Variants in KAT6B observed in about 807,000 individuals in gnomAD.
The protein encoded by KAT6B is histone acetyltransferase KAT6B.
In KAT6B, 10 loss-of-function variants were observed where a neutral mutation model predicts 187.5. The ratio of observed to expected loss-of-function variants is 0.05; its 90% CI spans 0.03 to 0.09. The LOEUF is 0.09. Ranked by LOEUF, KAT6B falls within the 10% of genes least tolerant of loss-of-function variation. KAT6B has a pLI of 1.00. For missense variants in KAT6B, 1,952 were observed against 2,558.9 expected, an observed-to-expected ratio of 0.76 and a Z score of 5.12; for synonymous variants, 861 against 926.8, an observed-to-expected ratio of 0.93 and a Z score of 1.29.
At chr10:74,878,778 C>G (rs1844625175) in intron 3 of KAT6B, among the ~76,000 whole-genome samples, 1 of 152,058 alleles carries the variant, frequency 6.6e-6, no homozygotes, top group Admixed American at 6.6e-5. Flanking sequence ...AGGTATGAAC[C>G]AGGGTGCATG....
At chr10:74,940,921 T>C (rs1849626730) in intron 3 of KAT6B, among the ~76,000 whole-genome samples, 1 of 152,218 alleles carries the variant, frequency 6.6e-6, no homozygotes, top group Non-Finnish European at 1.5e-5. Context: ...AGAGCTGTGA[T>C]TCCAAAGTTG....
At chr10:74,979,837 C>A (rs1287963506) in intron 10 of KAT6B, among the ~76,000 whole-genome samples, 1 of 151,956 alleles carries the variant, frequency 6.6e-6, no homozygotes, top group African/African-American at 2.4e-5. Context: ...AGACCCTTCC[C>A]CAAATTTTTA....
chr10:74,917,573 A>G (rs566966332), intron 3 of KAT6B, among the ~76,000 whole-genome samples: 8 of 152,354 alleles, frequency 5.3e-5, no homozygotes, highest in African/African-American at 1.7e-4. Flanking sequence ...AGATAAATGA[A>G]TGGATGAGAC....
At chr10:74,976,647 C>A in intron 8 of KAT6B, 1 of 414,094 alleles carries the variant, frequency 2.4e-6, no homozygotes, top group Non-Finnish European at 4.5e-6. Flanking sequence ...CACTGCCATG[C>A]TTCTGCCATG....
intron 3 of KAT6B, among the ~76,000 whole-genome samples, chr10:74,870,290 C>T (rs1268824680): frequency 6.6e-6 from 1 of 152,062 alleles, no homozygotes; most frequent in Non-Finnish European, 1.5e-5. Flanking sequence ...AAGACTCTGT[C>T]TCAAAAGACA....
chr10:74,837,087 G>A (rs1038185878), intron 1 of KAT6B, among the ~76,000 whole-genome samples: 1 of 152,062 alleles, frequency 6.6e-6, no homozygotes, highest in African/African-American at 2.4e-5. Flanking sequence ...AGGAGGCCTC[G>A]CATAATACTT....
chr10:74,842,258 C>G (rs1242541790), intron 2 of KAT6B, among the ~76,000 whole-genome samples: 1 of 152,004 alleles, frequency 6.6e-6, no homozygotes, highest in Non-Finnish European at 1.5e-5. Flanking sequence ...TAGACTTATT[C>G]TTTGATGTGT....
chr10:74,943,657 G>T (rs1461890853), intron 3 of KAT6B, among the ~76,000 whole-genome samples: 1 of 151,996 alleles, frequency 6.6e-6, no homozygotes, highest in East Asian at 1.9e-4. Context: ...ACTAAAAATG[G>T]TGTATAGACA....
chr10:74,985,001 GA>G, intron 11 of KAT6B, 78 bp from the exon 12 acceptor site: 2 of 1,277,284 alleles, frequency 1.6e-6, no homozygotes, highest in Non-Finnish European at 2.3e-6. Flanking sequence ...TGTACTTTCT[GA>G]AATACCATAT....
intron 10 of KAT6B, 83 bp downstream of exon 10, chr10:74,979,422 A>G: frequency 1.0e-6 from 1 of 993,942 alleles, no homozygotes; most frequent in South Asian, 1.3e-5. Flanking sequence ...AGCAGGAATT[A>G]GGGATGATTT....
At chr10:74,863,223 C>T (rs1396671928) in intron 3 of KAT6B, among the ~76,000 whole-genome samples, 1 of 152,030 alleles carries the variant, frequency 6.6e-6, no homozygotes, top group Non-Finnish European at 1.5e-5. Context: ...AATATGTATG[C>T]TATATTTAAA....
chr10:74,972,262 T>C (rs1204454047), intron 6 of KAT6B, among the ~76,000 whole-genome samples: 1 of 152,050 alleles, frequency 6.6e-6, no homozygotes, highest in Non-Finnish European at 1.5e-5. Flanking sequence ...TAATGACATG[T>C]TGGGAACAGC....
intron 7 of KAT6B, among the ~76,000 whole-genome samples, chr10:74,975,081 A>T (rs528362352): frequency 6.6e-6 from 1 of 152,216 alleles, no homozygotes; most frequent in Non-Finnish European, 1.5e-5. Context: ...ACACCAAAGG[A>T]TAGCTTGTTT....
intron 10 of KAT6B, among the ~76,000 whole-genome samples, chr10:74,981,103 T>G (rs541152799): frequency 3.3e-5 from 5 of 152,364 alleles, no homozygotes; most frequent in Non-Finnish European, 7.3e-5. Flanking sequence ...CTTGGTCCCT[T>G]GACAGGATGA....
intron 4 of KAT6B, among the ~76,000 whole-genome samples, chr10:74,960,827 C>G (rs953756266): frequency 2.0e-5 from 3 of 152,192 alleles, no homozygotes; most frequent in Admixed American, 6.5e-5. Flanking sequence ...GGTAAGTGTA[C>G]TACAAATGTC....
chr10:74,940,836 G>A (rs908515603), intron 3 of KAT6B, among the ~76,000 whole-genome samples: 1 of 152,060 alleles, frequency 6.6e-6, no homozygotes, highest in African/African-American at 2.4e-5. Context: ...ATTCTTGGTC[G>A]CCTCACTGCT....
At chr10:74,974,542 A>T (rs1430992804) in intron 7 of KAT6B, among the ~76,000 whole-genome samples, 3 of 152,184 alleles carry the variant, frequency 2.0e-5, no homozygotes, top group Non-Finnish European at 4.4e-5. Flanking sequence ...TGAGGTGAAG[A>T]CAGTCGGCCG....
intron 3 of KAT6B, among the ~76,000 whole-genome samples, chr10:74,853,957 G>GTTTT (rs1337140836): frequency 6.6e-6 from 1 of 152,082 alleles, no homozygotes; most frequent in Non-Finnish European, 1.5e-5. Flanking sequence ...GTAGCAATGT[G>GTTTT]TTTTAATTGT....
At chr10:74,972,155 A>C (rs1214451988) in intron 6 of KAT6B, among the ~76,000 whole-genome samples, 2 of 152,102 alleles carry the variant, frequency 1.3e-5, no homozygotes, top group African/African-American at 2.4e-5. Flanking sequence ...TAGAAATTCC[A>C]AAAATGGACT....
Sources: gnomAD v4.1 joint callset for allele counts (sites outside exome capture counted in the v4.1 genomes callset) on GRCh38, gnomAD v4.1.1 for gene constraint, MANE v1.5 for transcripts, NCBI Gene and HGNC (gene_info 2026-07-23, HGNC 2026-07-21) for gene names.